Variants in KCNMA1 observed in about 807,000 individuals in gnomAD.
KCNMA1 encodes Calcium-activated potassium channel subunit alpha-1.
In KCNMA1, 29 loss-of-function variants were observed where a neutral mutation model predicts 140.0. The observed-to-expected ratio is 0.21, with a 90% CI of 0.15 to 0.28. The LOEUF is 0.28. KCNMA1 is among the 10% of genes least tolerant of loss of function. The probability of loss-of-function intolerance (pLI) is 1.00; values close to 1 mark genes in which losing one functional copy is unlikely to be tolerated. For missense variants in KCNMA1, 880 were observed against 1,602.2 expected (o/e 0.55, Z 7.70); for synonymous variants, 612 against 611.9 (o/e 1.00, Z 0.00).
At position 77,096,757 on chromosome 10, in the gene KCNMA1, T is replaced by C. The variant is rs571144929; in HGVS notation, c.1224-6247A>G. Among the ~76,000 whole-genome samples the C allele has an allele frequency of 1.8e-4, 27 of 152,310 alleles. No homozygotes were observed. The South Asian group carries it at 5.2e-3, about 29-fold the overall frequency. On this transcript the variant is annotated intron_variant, in intron 9 of 27. Transcript: ENST00000286628. Reference sequence around the variant, plus strand: ...GTGCTCACTTTGTCAAAGAGGTAGATGAAATGTGGCACATATTGATCTAGA... The same window carrying C: ...GTGCTCACTTTGTCAAAGAGGTAGACGAAATGTGGCACATATTGATCTAGA...
At chr10:77,360,990 A>G (rs1201130926) in intron 2 of KCNMA1, among the ~76,000 whole-genome samples, 1 of 152,172 alleles carries the variant, frequency 6.6e-6, no homozygotes, top group Non-Finnish European at 1.5e-5. Flanking sequence ...TACTAGGTCA[A>G]GGTGTCCCGG....
At chr10:77,327,539 GA>G (rs2084665663) in intron 2 of KCNMA1, among the ~76,000 whole-genome samples, 1 of 152,046 alleles carries the variant, frequency 6.6e-6, no homozygotes, top group Non-Finnish European at 1.5e-5. Flanking sequence ...ATTTTTAGTA[GA>G]GATGGGGTTT....
intron 8 of KCNMA1, 124 bp downstream of exon 8, chr10:77,110,049 A>G (rs2097285598): frequency 1.2e-6 from 1 of 862,496 alleles, no homozygotes; most frequent in East Asian, 2.6e-5. Context: ...ACTTAGCCTG[A>G]TTGTAACGTT....
At chr10:77,582,701 G>T (rs559525180) in intron 1 of KCNMA1, among the ~76,000 whole-genome samples, 1 of 152,212 alleles carries the variant, frequency 6.6e-6, no homozygotes, top group Non-Finnish European at 1.5e-5. Flanking sequence ...GCAAGGAAGT[G>T]CCTGCTTCTC....
intron 1 of KCNMA1, among the ~76,000 whole-genome samples, chr10:77,593,085 C>T (rs901804349): frequency 2.6e-5 from 4 of 152,300 alleles, no homozygotes; most frequent in South Asian, 2.1e-4. Context: ...TGTCCACATG[C>T]GCCCAGAACC....
At chr10:77,212,473 T>C (rs1375959541) in intron 3 of KCNMA1, among the ~76,000 whole-genome samples, 1 of 152,074 alleles carries the variant, frequency 6.6e-6, no homozygotes, top group Non-Finnish European at 1.5e-5. Flanking sequence ...GACCGTGGGT[T>C]GAAAAACTAC....
At chr10:76,983,374 T>A (rs2080167453) in intron 19 of KCNMA1, among the ~76,000 whole-genome samples, 1 of 152,126 alleles carries the variant, frequency 6.6e-6, no homozygotes, top group South Asian at 2.1e-4. Context: ...AAGAGAGAAA[T>A]CCTATTCAAA....
downstream of KCNMA1, among the ~76,000 whole-genome samples, chr10:76,880,372 G>A (rs995774349): frequency 2.6e-5 from 4 of 152,144 alleles, no homozygotes; most frequent in African/African-American, 9.7e-5. Context: ...AACACAAGGA[G>A]TGAGTTGTGT....
intron 3 of KCNMA1, among the ~76,000 whole-genome samples, chr10:77,215,906 C>CCTCTCTCTCT (rs144962422): frequency 7.2e-6 from 1 of 139,022 alleles, no homozygotes; most frequent in African/African-American, 2.7e-5. Context: ...TCTCCTCTCT[C>CCTCTCTCTCT]CTCTCTCTCT....
intron 1 of KCNMA1, among the ~76,000 whole-genome samples, chr10:77,489,374 C>T (rs966325523): frequency 6.6e-6 from 1 of 151,814 alleles, no homozygotes; most frequent in East Asian, 1.9e-4. Context: ...TCACTCTTGT[C>T]GCCCAGGCTG....
At chr10:77,403,260 C>T (rs1199455191) in intron 2 of KCNMA1, among the ~76,000 whole-genome samples, 2 of 152,134 alleles carry the variant, frequency 1.3e-5, no homozygotes, top group Non-Finnish European at 2.9e-5. Flanking sequence ...GCTTAGGAGA[C>T]AATCTCATCA....
chr10:77,606,587 G>A (rs1248988033), intron 1 of KCNMA1, among the ~76,000 whole-genome samples: 1 of 152,128 alleles, frequency 6.6e-6, no homozygotes, highest in East Asian at 1.9e-4. Context: ...TCTAGCCTGG[G>A]CAACAGAGTG....
intron 5 of KCNMA1, among the ~76,000 whole-genome samples, chr10:77,143,561 C>T: frequency 6.6e-6 from 1 of 152,128 alleles, no homozygotes; most frequent in East Asian, 1.9e-4. Flanking sequence ...TCAGTCTCAA[C>T]TCTTACCTAA....
chr10:77,414,470 T>C (rs187935201), intron 1 of KCNMA1, among the ~76,000 whole-genome samples: 65 of 151,000 alleles, frequency 4.3e-4, no homozygotes, highest in African/African-American at 1.5e-3. Flanking sequence ...GCCTGCAAGA[T>C]AGGAATGTTT....
chr10:77,142,343 C>T (rs2098194821), intron 5 of KCNMA1, among the ~76,000 whole-genome samples: 1 of 148,456 alleles, frequency 6.7e-6, no homozygotes. Flanking sequence ...TGCACTCCAG[C>T]CTGGGTGACA....
rs1021537723 is a variant in KCNMA1, at chr10:76,887,140, T to C, written c.*126A>G. On this transcript the variant is annotated 3_prime_UTR_variant, in exon 28 of 28. Transcript: ENST00000286628. ...AACCACATGCACACTATCATACATA[T>C]GCAAATATGTGTAAAAAAAAAGGGG... The C allele has an allele frequency of 4.4e-6, 7 of 1,604,924 alleles. No individual in the cohort carries two copies. Among genetic ancestry groups the C allele is most frequent in the Admixed American group, 3.3e-5 (2 of 59,754 alleles).
chr10:76,975,979 C>T (rs1370090914), intron 19 of KCNMA1, among the ~76,000 whole-genome samples: 3 of 152,064 alleles, frequency 2.0e-5, no homozygotes. Context: ...ATCATAATAT[C>T]TCAAACATAT....
chr10:77,322,184 C>T (rs866010253), intron 2 of KCNMA1, among the ~76,000 whole-genome samples: 1 of 152,266 alleles, frequency 6.6e-6, no homozygotes, highest in Middle Eastern at 3.4e-3. Context: ...AGGCATTTTA[C>T]TGACTCGGAC....
chr10:77,064,759 C>T (rs1349511265), intron 14 of KCNMA1, among the ~76,000 whole-genome samples: 9 of 152,156 alleles, frequency 5.9e-5, no homozygotes, highest in Non-Finnish European at 8.8e-5. Flanking sequence ...TACACAGTGA[C>T]GTTGACCCAA....
Sources: gnomAD v4.1 joint callset for allele counts (sites outside exome capture counted in the v4.1 genomes callset) on GRCh38, gnomAD v4.1.1 for gene constraint, MANE v1.5 for transcripts, NCBI Gene and HGNC (gene_info 2026-07-23, HGNC 2026-07-21) for gene names.